Variants in AVPR2 observed in about 807,000 individuals in gnomAD.
AVPR2 encodes the protein vasopressin V2 receptor.
AVPR2 carries 3 observed loss-of-function variants against 12.0 expected under a neutral mutation model. The observed-to-expected ratio is 0.25, with a 90% CI of 0.11 to 0.64. The LOEUF (loss-of-function observed/expected upper bound fraction) is 0.64. Among genes scored for constraint, AVPR2 ranks in the 30% least tolerant of loss-of-function variants. The pLI is 0.84. For missense variants in AVPR2, 279 were observed against 347.9 expected, an observed-to-expected ratio of 0.80 and a Z score of 1.58; for synonymous variants, 143 against 147.5, an observed-to-expected ratio of 0.97 and a Z score of 0.22.
At position 153,905,553 on chromosome X, in the gene AVPR2, T is replaced by C; in HGVS notation, c.47T>C (p.Leu16Pro). Reference protein sequence around the residue: ...TTSAVPGHPSLPSLPSNSSQE... With the variant: ...TTSAVPGHPSPPSLPSNSSQE... ...CCAGCTGTGCCTGGGCATCCCTCTCTGCCCAGCCTGCCCAGCAACAGCAGC... is the reference window on the plus strand; with the variant it reads ...CCAGCTGTGCCTGGGCATCCCTCTCCGCCCAGCCTGCCCAGCAACAGCAGC... The change falls in exon 3 of 4, where the codon CTG becomes CCG. Residue 16 changes from leucine to proline, a missense_variant. Physicochemically the swap from Leu to Pro is moderately conservative, Grantham distance 98. Transcript: ENST00000646375. The C allele has an allele frequency of 8.4e-7, 1 of 1,193,443 alleles. No homozygotes were observed. The highest frequency in any genetic ancestry group is 1.7e-5 in the African/African-American group (1 of 57,382).
At position 153,905,039 on chromosome X, in the gene AVPR2, A is replaced by AT; in HGVS notation, c.-106dup. The AT allele has an allele frequency of 9.0e-7, 1 of 1,108,971 alleles. No homozygotes were observed. The highest frequency in any genetic ancestry group is 1.2e-6 in the Non-Finnish European group (1 of 802,322). 91.4% of individuals were successfully genotyped at this position (1,108,971 alleles called of 1,213,427 possible). A position where few individuals can be genotyped will look rare whatever the true frequency, so the allele number is the denominator to read the frequency against. Reference sequence around the variant, plus strand: ...AGGCATCTGCCATGCTGGCATCTCTATAAGGGCTCCAGTCCAGAGACCCTG... The same window carrying AT: ...AGGCATCTGCCATGCTGGCATCTCTATTAAGGGCTCCAGTCCAGAGACCCTG... On this transcript the variant is annotated 5_prime_UTR_variant, in exon 2 of 4. An upstream open reading frame in the 5' UTR gains an earlier in-frame stop. Coordinates refer to ENST00000646375, the MANE Select transcript of AVPR2 (RefSeq NM_000054.7).
rs781953574 is a variant in AVPR2, at chrX:153,905,266, G to A, written c.25+96G>A. Reference sequence around the variant, plus strand: ...AAGACCTCCTTCACCCTCACCTCTGGGTGTGTCTCTCCAGGCTGCCAATGA... The same window carrying A: ...AAGACCTCCTTCACCCTCACCTCTGAGTGTGTCTCTCCAGGCTGCCAATGA... On this transcript the variant is annotated intron_variant, in intron 2 of 3. Transcript: ENST00000646375. 75 of 1,134,935 alleles carry A rather than the reference G, an allele frequency of 6.6e-5. No individual in the cohort carries two copies. The Middle Eastern group carries it at 7.4e-4, about 11-fold the overall frequency. 93.5% of individuals were successfully genotyped at this position (1,134,935 alleles called of 1,213,427 possible).
upstream of AVPR2, chrX:153,902,662 T>C: frequency 3.0e-6 from 1 of 330,076 alleles, no homozygotes; most frequent in South Asian, 2.6e-5. Flanking sequence ...AGAATGGCAC[T>C]GGATCCTGAT....
chrX:153,904,570 G>A (rs1414510225), upstream of AVPR2: 1 of 129,513 alleles, frequency 7.7e-6, no homozygotes, highest in Non-Finnish European at 1.6e-5. Context: ...GTCCTGGGCC[G>A]GGACCAGGGA....
upstream of AVPR2, among the ~76,000 whole-genome samples, chrX:153,903,614 C>T (rs1417049721): frequency 9.0e-6 from 1 of 110,863 alleles, no homozygotes; most frequent in African/African-American, 3.3e-5. Flanking sequence ...GTGGTGTGTG[C>T]GCTGTCTCTG....
In AVPR2 at chrX:153,904,763, C is replaced by T; in HGVS notation, c.-181C>T. The T allele has an allele frequency of 3.2e-6, 1 of 313,420 alleles. No individual in the cohort carries two copies. 25.8% of individuals were successfully genotyped at this position (313,420 alleles called of 1,213,427 possible). A position where few individuals can be genotyped will look rare whatever the true frequency, so the allele number is the denominator to read the frequency against. On this transcript the variant is annotated 5_prime_UTR_variant, in exon 1 of 4. Coordinates refer to ENST00000646375, the MANE Select transcript of AVPR2 (RefSeq NM_000054.7). ...ACGCCACCGCCCAGCTGCCCAGGAG[C>T]CCAGCCAGGTAAGGGGCTGCGCCTG...
At chrX:153,905,453 A>C (rs1465472512) in intron 2 of AVPR2, 79 bp from the exon 3 acceptor site, 1 of 1,038,884 alleles carries the variant, frequency 9.6e-7, no homozygotes, top group Non-Finnish European at 1.3e-6. Context: ...GGGTGTCCGG[A>C]TGGGGGCACG....
Position 153,906,662 on chromosome X carries a change from C to G in AVPR2, c.1050C>G (p.Ser350Arg), listed in dbSNP as rs1164256304. The G allele has an allele frequency of 3.3e-6, 4 of 1,209,415 alleles. No homozygotes were observed. In the African/African-American group the frequency reaches 5.2e-5, roughly 16 times the overall value. Residue 350 changes from serine (S) to arginine (R), a missense_variant, in exon 4 of 4, where the codon AGC becomes AGG. By Grantham distance (110) the Ser-to-Arg change is moderately radical. Transcript: ENST00000646375. The stretch of plus-strand genomic sequence containing the variant: ...GTGCCCGGGGACGCACCCCACCCAG[C>G]CTGGGTCCCCAAGATGAGTCCTGCA... Reference protein sequence around the residue: ...LCCARGRTPPSLGPQDESCTT... With the variant: ...LCCARGRTPPRLGPQDESCTT...
rs369376620 is a variant in AVPR2 at position 153,904,704 on chromosome X, G to A, written c.-240G>A. The A allele has an allele frequency of 4.7e-6, 1 of 211,819 alleles. No individual in the cohort carries two copies. Among genetic ancestry groups the A allele is most frequent in the Admixed American group, 6.0e-5 (1 of 16,534 alleles). The allele number at this position is 211,819 out of a possible 1,213,427, so 17.5% of individuals were successfully genotyped here. On this transcript the variant is annotated 5_prime_UTR_variant, in exon 1 of 4. Coordinates refer to ENST00000646375, the MANE Select transcript of AVPR2 (RefSeq NM_000054.7). ...TGGGCTGGGCCAGGGCAGGGCAGCC[G>A]ATGGAGAGCAGATCTGAGCACCCAG...
At position 153,906,778 on chromosome X, in the gene AVPR2, TTCCTGGGGCTGG is replaced by T. The variant is rs372591258; in HGVS notation, c.*58_*69del. 4.4e-4 allele frequency: 500 copies of T among 1,126,893 alleles called. 3 individuals carry two copies. The African/African-American group carries it at 7.9e-3, about 18-fold the overall frequency. The allele number at this position is 1,126,893 out of a possible 1,213,427, so 92.9% of individuals were successfully genotyped here. Reference sequence around the variant, plus strand: ...AGAGGCTTTGAGAAGCTCAGCTGCCTTCCTGGGGCTGGTCCTGGGAGCCACTGGGAGGGGGAC... The same window carrying T: ...AGAGGCTTTGAGAAGCTCAGCTGCCTTCCTGGGAGCCACTGGGAGGGGGAC... On this transcript the variant is annotated 3_prime_UTR_variant, in exon 4 of 4. Transcript: ENST00000646375.
At position 153,905,621 on chromosome X, in the gene AVPR2, G is replaced by A; in HGVS notation, c.115G>A (p.Ala39Thr). Residue 39 changes from alanine to threonine, a missense_variant, in exon 3 of 4, where the codon GCG becomes ACG. Ala to Thr is a moderately conservative substitution (Grantham distance 58). Coordinates refer to ENST00000646375, the MANE Select transcript of AVPR2 (RefSeq NM_000054.7). ...CACCCGGGACCCGCTGCTAGCCCGG[G>A]CGGAGCTGGCGCTGCTCTCCATAGT... ...LDTRDPLLAR[A>T]ELALLSIVFV... 1 of 1,210,536 alleles carries A rather than the reference G, an allele frequency of 8.3e-7. No homozygotes were observed. The highest frequency in any genetic ancestry group is 1.1e-6 in the Non-Finnish European group (1 of 895,000).
chrX:153,905,187 C>T lies in AVPR2; in HGVS notation c.25+17C>T. ...CCACTTCCGGTAAGGCTTGCCCCTC[C>T]ATGAGTCCGGTGGGCAGAGTGGGTT... On this transcript the variant is annotated intron_variant, in intron 2 of 3. Transcript: ENST00000646375. 1 of 1,211,688 alleles carries T rather than the reference C, an allele frequency of 8.3e-7. No individual in the cohort carries two copies. Among genetic ancestry groups the T allele is most frequent in the Non-Finnish European group, 1.1e-6 (1 of 895,098 alleles).
At chrX:153,904,901 A>C (rs4898372) in intron 1 of AVPR2, 73 bp from the exon 2 acceptor site, 14,168 of 470,084 alleles carry the variant, frequency 0.03, 238 homozygotes, top group Admixed American at 0.074. Context: ...CCCGGGACTC[A>C]TGGGCTGCCT....
In AVPR2 at chrX:153,905,717, T is replaced by C. The variant is rs2064959351; in HGVS notation, c.211T>C (p.Trp71Arg). 2.5e-6 allele frequency: 3 copies of C among 1,209,283 alleles called. No individual in the cohort carries two copies. Among genetic ancestry groups the C allele is most frequent in the Non-Finnish European group, 3.4e-6 (3 of 895,168 alleles). The stretch of plus-strand genomic sequence containing the variant: ...AGCTCGGCGGGGCCGGCGGGGCCAC[T>C]GGGCACCCATACACGTCTTCATTGG... ...ALARRGRRGH[W>R]APIHVFIGHL... Residue 71 changes from tryptophan to arginine, a missense_variant, in exon 3 of 4, where the codon TGG becomes CGG. Transcript: ENST00000646375.
intron 2 of AVPR2, 79 bp from the exon 3 acceptor site, chrX:153,905,453 A>T: frequency 9.6e-7 from 1 of 1,040,432 alleles, no homozygotes; most frequent in Non-Finnish European, 1.3e-6. Flanking sequence ...GGGTGTCCGG[A>T]TGGGGGCACG....
At position 153,907,010 on chromosome X, in the gene AVPR2, G is replaced by T. The variant is rs782404692; in HGVS notation, c.*282G>T. 1 of 473,395 alleles carries T rather than the reference G, an allele frequency of 2.1e-6. No individual in the cohort carries two copies. Among genetic ancestry groups the T allele is most frequent in the Admixed American group, 2.7e-5 (1 of 36,553 alleles). 39.0% of individuals were successfully genotyped at this position (473,395 alleles called of 1,213,427 possible). ...GGCTGCAGCAGAGGCCTGAGGAGTG[G>T]CAGGAAAGAGGGAGCAGGTGCCCCC... On this transcript the variant is annotated 3_prime_UTR_variant, in exon 4 of 4. Coordinates refer to ENST00000646375, the MANE Select transcript of AVPR2 (RefSeq NM_000054.7).
upstream of AVPR2, chrX:153,902,953 G>C (rs3761529): frequency 7.9e-6 from 2 of 253,560 alleles, no homozygotes; most frequent in Non-Finnish European, 1.5e-5. Flanking sequence ...CTTTCCCAAG[G>C]CCCTGCCAGT....
At position 153,907,041 on chromosome X, in the gene AVPR2, A is replaced by G; in HGVS notation, c.*313A>G. The G allele has an allele frequency of 2.2e-6, 1 of 448,642 alleles. No homozygotes were observed. Among genetic ancestry groups the G allele is most frequent in the Middle Eastern group, 6.2e-4 (1 of 1,615 alleles). The allele number at this position is 448,642 out of a possible 1,213,427, so 37.0% of individuals were successfully genotyped here. A position where few individuals can be genotyped will look rare whatever the true frequency, so the allele number is the denominator to read the frequency against. ...AAGAGGGAGCAGGTGCCCCCAGGTG[A>G]GACAGCGGTCCCAGGGGCCTGAAAA... On this transcript the variant is annotated 3_prime_UTR_variant, in exon 4 of 4. Transcript: ENST00000646375.
rs1412862191 is a variant in AVPR2, at chrX:153,904,685, G to C, written c.-259G>C. On this transcript the variant is annotated 5_prime_UTR_variant, in exon 1 of 4. Transcript: ENST00000646375. ...CCAGGTCACTCCCAGAGGCTGGGCT[G>C]GGCCAGGGCAGGGCAGCCGATGGAG... is the stretch of plus-strand genomic sequence containing the variant. The C allele has an allele frequency of 1.6e-5, 3 of 182,486 alleles. No individual in the cohort carries two copies. Among genetic ancestry groups the C allele is most frequent in the African/African-American group, 8.9e-5 (3 of 33,592 alleles). 15.0% of individuals were successfully genotyped at this position (182,486 alleles called of 1,213,427 possible).
Sources: allele counts gnomAD v4.1 joint callset (sites outside exome capture counted in the v4.1 genomes callset), GRCh38; gene constraint gnomAD v4.1.1; transcripts MANE v1.5; gene names NCBI Gene and HGNC (gene_info 2026-07-23, HGNC 2026-07-21).